Variants in ANKRD12 observed in about 807,000 individuals in gnomAD.
ANKRD12 encodes ankyrin repeat domain 12, also known as ankyrin repeat domain-containing protein 12.
In ANKRD12, 85 loss-of-function variants were observed where a neutral mutation model predicts 183.4. That is an observed-to-expected ratio of 0.46 (90% CI 0.39 to 0.56). The LOEUF (loss-of-function observed/expected upper bound fraction) is 0.56. ANKRD12 is among the 20% of genes least tolerant of loss of function. The pLI, the probability that ANKRD12 is intolerant of heterozygous loss-of-function variation, is 0.00. For synonymous variants in ANKRD12, 914 were observed against 800.2 expected (o/e 1.14, Z -2.40); for missense variants, 2,405 against 2,357.1 (o/e 1.02, Z -0.42).
At chr18:9,226,188 C>CT (rs1293117365) in intron 8 of ANKRD12, among the ~76,000 whole-genome samples, 3 of 152,124 alleles carry the variant, frequency 2.0e-5, no homozygotes, top group African/African-American at 7.2e-5. Flanking sequence ...CTCTGGGAGG[C>CT]TGAGGTGGGT....
At chr18:9,210,977 G>A (rs1276266686) in intron 5 of ANKRD12, among the ~76,000 whole-genome samples, 1 of 151,674 alleles carries the variant, frequency 6.6e-6, no homozygotes, top group Admixed American at 6.6e-5. Flanking sequence ...AAATTGGAGA[G>A]GAGACTTTGG....
Position 9,258,543 on chromosome 18 carries a change from A to G in ANKRD12, c.5276A>G (p.Glu1759Gly). 6.2e-7 allele frequency: 1 copy of G among 1,613,836 alleles called. No homozygotes were observed. The highest frequency in any genetic ancestry group is 8.5e-7 in the Non-Finnish European group (1 of 1,179,942). Reference sequence around the variant, plus strand: ...CTTGCTAGCTGTACACTATTATCAGAAAAAGACAGTGAATCCTCATCTCCT... The same window carrying G: ...CTTGCTAGCTGTACACTATTATCAGGAAAAGACAGTGAATCCTCATCTCCT... ...QILASCTLLS[E>G]KDSESSSPRG... The change falls in exon 9 of 13, where the codon GAA (glutamate) becomes GGA (glycine). Residue 1759 changes from glutamate to glycine, a missense_variant. Around this residue, in one of 7 missense-constraint regions of ANKRD12, gnomAD observed 1,983 missense variants for 1,725.9 expected, o/e 1.15. Transcript: ENST00000262126.
intron 10 of ANKRD12, among the ~76,000 whole-genome samples, chr18:9,269,602 CT>C (rs1213828315): frequency 1.3e-5 from 2 of 152,168 alleles, no homozygotes; most frequent in African/African-American, 4.8e-5. Context: ...TTCCTTACAC[CT>C]TATACAAAAA....
At chr18:9,143,869 T>C (rs924050738) in intron 1 of ANKRD12, among the ~76,000 whole-genome samples, 6 of 152,198 alleles carry the variant, frequency 3.9e-5, no homozygotes, top group Non-Finnish European at 7.3e-5. Context: ...GCAAGAATGG[T>C]TGACAGCAGA....
chr18:9,193,135 ATTT>A (rs397751904), intron 2 of ANKRD12, among the ~76,000 whole-genome samples: 3 of 128,442 alleles, frequency 2.3e-5, no homozygotes, highest in Admixed American at 1.6e-4. Flanking sequence ...TGAGTACAGC[ATTT>A]TTTTTTTTTT....
chr18:9,248,178 A>G (rs2038074450), intron 8 of ANKRD12, among the ~76,000 whole-genome samples: 1 of 152,240 alleles, frequency 6.6e-6, no homozygotes, highest in Non-Finnish European at 1.5e-5. Context: ...AATGTTGGGA[A>G]GAAGAACTTG....
At chr18:9,274,030 G>A (rs1256420372) in intron 10 of ANKRD12, among the ~76,000 whole-genome samples, 2 of 152,234 alleles carry the variant, frequency 1.3e-5, no homozygotes, top group African/African-American at 4.8e-5. Context: ...GCTAAAGGAA[G>A]ATGAAAGTTA....
At position 9,256,314 on chromosome 18, in the gene ANKRD12, A is replaced by G. The variant is rs777823969; in HGVS notation, c.3047A>G (p.Glu1016Gly). 2 of 1,589,072 alleles carry G rather than the reference A, an allele frequency of 1.3e-6. No homozygotes were observed. Among genetic ancestry groups the G allele is most frequent in the Non-Finnish European group, 1.7e-6 (2 of 1,170,156 alleles). Reference sequence around the variant, plus strand: ...CCTTTGAAAACTCCAGATGGAAAAGAAAAAGATAAAAAAGATAAAGATATA... The same window carrying G: ...CCTTTGAAAACTCCAGATGGAAAAGGAAAAGATAAAAAAGATAAAGATATA... Reference protein sequence around the residue: ...DEPLKTPDGKEKDKKDKDIDR... With the variant: ...DEPLKTPDGKGKDKKDKDIDR... Residue 1016 changes from glutamate to glycine, a missense_variant, in exon 9 of 13, where the codon GAA becomes GGA. By Grantham distance (98) the Glu-to-Gly change is moderately conservative (BLOSUM62 -2). Around this residue, in one of 7 missense-constraint regions of ANKRD12, gnomAD observed 1,983 missense variants for 1,725.9 expected, o/e 1.15. Coordinates refer to ENST00000262126, the MANE Select transcript of ANKRD12 (RefSeq NM_015208.5).
At chr18:9,215,190 T>C (rs1434597749) in intron 6 of ANKRD12, among the ~76,000 whole-genome samples, 2 of 151,842 alleles carry the variant, frequency 1.3e-5, no homozygotes, top group East Asian at 3.9e-4. Context: ...AAAAGAAAAA[T>C]CCACAAAGGA....
chr18:9,270,003 C>A (rs1395908426), intron 10 of ANKRD12, among the ~76,000 whole-genome samples: 2 of 152,120 alleles, frequency 1.3e-5, no homozygotes, highest in Non-Finnish European at 2.9e-5. Context: ...CCAACAGACA[C>A]ATGAAAAAAT....
intron 1 of ANKRD12, among the ~76,000 whole-genome samples, chr18:9,154,581 C>T (rs536978097): frequency 3.3e-5 from 5 of 152,164 alleles, no homozygotes; most frequent in African/African-American, 9.7e-5. Flanking sequence ...AACACACACT[C>T]TGGCTACTGC....
intron 1 of ANKRD12, among the ~76,000 whole-genome samples, chr18:9,156,534 G>A (rs149767661): frequency 0.02 from 3,111 of 152,264 alleles, 49 homozygotes; most frequent in Admixed American, 0.051. Flanking sequence ...TGGATGAAAA[G>A]AGTTAAACAT....
At chr18:9,248,616 A>G (rs151004003) in intron 8 of ANKRD12, among the ~76,000 whole-genome samples, 3,205 of 152,344 alleles carry the variant, frequency 0.021, 69 homozygotes, top group African/African-American at 0.052. Flanking sequence ...AAGTACATAT[A>G]TAAATAATTA....
At chr18:9,191,117 C>T (rs756921627) in intron 2 of ANKRD12, among the ~76,000 whole-genome samples, 1 of 152,096 alleles carries the variant, frequency 6.6e-6, no homozygotes, top group Non-Finnish European at 1.5e-5. Flanking sequence ...ACCATTGATG[C>T]TTTCATTATT....
chr18:9,157,585 G>GTGTATATA lies in ANKRD12; in HGVS notation c.-52+20621_-52+20622insGTATATAT, dbSNP rs1472659778. Among the ~76,000 whole-genome samples, 566 of 92,600 alleles carry GTGTATATA rather than the reference G, an allele frequency of 6.1e-3. 6 individuals carry two copies. Among genetic ancestry groups the GTGTATATA allele is most frequent in the African/African-American group, 0.022 (411 of 19,002 alleles). 60.7% of individuals were successfully genotyped at this position (92,600 alleles called of 152,430 possible). Reference sequence around the variant, plus strand: ...TGTGTGTGTGTGTGTGTGTGTGTGTGTATATATATATATATGTATTTTTTT... The same window carrying GTGTATATA: ...TGTGTGTGTGTGTGTGTGTGTGTGTGTGTATATATATATATATATATATGTATTTTTTT... On this transcript the variant is annotated intron_variant, in intron 1 of 12. Transcript: ENST00000262126.
intron 1 of ANKRD12, 113 bp downstream of exon 1, chr18:9,137,078 T>G (rs2143172766): frequency 6.6e-6 from 1 of 151,032 alleles, no homozygotes; most frequent in African/African-American, 2.4e-5. Context: ...CTGCTCCCGT[T>G]CCCCCTCCCC....
chr18:9,249,836 A>G (rs1203237927), intron 8 of ANKRD12: 1 of 152,278 alleles, frequency 6.6e-6, no homozygotes, highest in Non-Finnish European at 1.5e-5. Context: ...GAAGCTGATT[A>G]GAACCCATAT....
chr18:9,227,677 T>C (rs2036801222), intron 8 of ANKRD12, among the ~76,000 whole-genome samples: 1 of 152,180 alleles, frequency 6.6e-6, no homozygotes, highest in Non-Finnish European at 1.5e-5. Flanking sequence ...GATTTTCCCC[T>C]TTTTTCACTA....
intron 1 of ANKRD12, among the ~76,000 whole-genome samples, chr18:9,172,892 GT>G (rs895188823): frequency 6.7e-6 from 1 of 150,162 alleles, no homozygotes; most frequent in Non-Finnish European, 1.5e-5. Flanking sequence ...TTTTTTTTTT[GT>G]TTTTTGTTTT....
Sources: allele counts gnomAD v4.1 joint callset (sites outside exome capture counted in the v4.1 genomes callset), GRCh38; gene constraint gnomAD v4.1.1; regional missense constraint gnomAD v4.1.1; transcripts MANE v1.5; gene names NCBI Gene and HGNC (gene_info 2026-07-23, HGNC 2026-07-21).